SRPK1: variants seen among roughly 807,000 people sequenced by gnomAD.
SRPK1 encodes SRSF protein kinase 1.
A neutral mutation model predicts 89.5 loss-of-function variants in SRPK1; 52 were observed. The observed-to-expected ratio is 0.58, with a 90% CI of 0.46 to 0.73. The LOEUF (loss-of-function observed/expected upper bound fraction) is 0.73. SRPK1 is among the 30% of genes least tolerant of loss of function. The pLI, the probability that SRPK1 is intolerant of heterozygous loss-of-function variation, is 0.00. For synonymous variants in SRPK1, 255 were observed against 270.2 expected (o/e 0.94, Z 0.55); for missense variants, 603 against 780.6 (o/e 0.77, Z 2.71).
chr6:35,843,945 A>G (rs923931030), intron 13 of SRPK1, among the ~76,000 whole-genome samples: 2 of 138,850 alleles, frequency 1.4e-5, no homozygotes, highest in African/African-American at 5.3e-5. Context: ...AATGAAAAGC[A>G]GGGCTACATA....
In SRPK1 at chr6:35,838,412, T is replaced by C. The variant is rs764518587; in HGVS notation, c.1708A>G (p.Ile570Val). The C allele has an allele frequency of 1.1e-5, 17 of 1,582,014 alleles. No individual in the cohort carries two copies. The highest frequency in any genetic ancestry group is 6.9e-5 in the African/African-American group (5 of 72,832). ...TRDEDHIALI[I>V]ELLGKVPRKL... is the part of the protein sequence containing the mutation. ...CGAGGCACCTTCCCCAGAAGTTCTA[T>C]GATCAATGCAATGTGATCTGTATAT... is the stretch of plus-strand genomic sequence containing the variant. The change falls in exon 15 of 16, where the codon ATA (isoleucine) becomes GTA (valine). Residue 570 changes from isoleucine (I) to valine (V), a missense_variant. Physicochemically the swap from Ile to Val is conservative, Grantham distance 29. Transcript: ENST00000373825.
intron 2 of SRPK1, among the ~76,000 whole-genome samples, chr6:35,913,898 A>G (rs1328920698): frequency 4.0e-5 from 6 of 151,700 alleles, no homozygotes; most frequent in African/African-American, 9.7e-5. Context: ...AAAGCACACT[A>G]TAAGTGACAT....
intron 12 of SRPK1, among the ~76,000 whole-genome samples, chr6:35,866,909 C>A (rs1473159015): frequency 3.3e-5 from 5 of 152,122 alleles, no homozygotes; most frequent in Non-Finnish European, 7.3e-5. Context: ...TGAAACAACT[C>A]AAAGAAAGGT....
At chr6:35,888,517 G>C (rs1234505554) in intron 4 of SRPK1, among the ~76,000 whole-genome samples, 1 of 152,120 alleles carries the variant, frequency 6.6e-6, no homozygotes, top group Non-Finnish European at 1.5e-5. Context: ...TAGGCAGCCA[G>C]AAGAAATACT....
chr6:35,844,295 G>A (rs940639164), intron 13 of SRPK1, among the ~76,000 whole-genome samples: 3 of 152,126 alleles, frequency 2.0e-5, no homozygotes, highest in Non-Finnish European at 2.9e-5. Flanking sequence ...GAGCCACCAC[G>A]CCTGGCCAAC....
At chr6:35,886,224 G>A (rs951370953) in intron 6 of SRPK1, among the ~76,000 whole-genome samples, 1 of 151,914 alleles carries the variant, frequency 6.6e-6, no homozygotes, top group Non-Finnish European at 1.5e-5. Context: ...GGGATTACAG[G>A]AGCCTGCCAC....
In SRPK1 at chr6:35,870,471, C is replaced by T. The variant is rs1260342648; in HGVS notation, c.801G>A (p.Lys267=). The change falls in exon 10 of 16, where the codon AAG becomes AAA. Residue 267 remains lysine, a synonymous_variant. Transcript: ENST00000373825. ...PKPADKMSKN[K]KKKLKKKQKR... is the part of the protein sequence containing the mutation. Reference sequence around the variant, plus strand: ...TCTGCTTCTTCTTCAATTTCTTCTTCTTATTCTTTGACATTTTGTCAGCCT... The same window carrying T: ...TCTGCTTCTTCTTCAATTTCTTCTTTTTATTCTTTGACATTTTGTCAGCCT... 2 of 1,551,638 alleles carry T rather than the reference C, an allele frequency of 1.3e-6. No individual in the cohort carries two copies. Among genetic ancestry groups the T allele is most frequent in the Admixed American group, 2.0e-5 (1 of 50,958 alleles).
rs187606811 is a variant in SRPK1 at position 35,898,383 on chromosome 6, G to C, written c.75-7370C>G. 4.5e-4 allele frequency among the ~76,000 whole-genome samples: 68 copies of C among 152,260 alleles called. No homozygotes were observed. In the East Asian group the frequency reaches 0.013, roughly 28 times the overall value. On this transcript the variant is annotated intron_variant, in intron 2 of 15. Coordinates refer to ENST00000373825, the MANE Select transcript of SRPK1 (RefSeq NM_003137.5). ...TCTGGTGACTTAAGGTTGGGGAGAA[G>C]ATTGGGGGGTTAGGGATAAAAGACT... is the stretch of plus-strand genomic sequence containing the variant.
At position 35,897,676 on chromosome 6, in the gene SRPK1, C is replaced by T. The variant is rs969408774; in HGVS notation, c.75-6663G>A. The stretch of plus-strand genomic sequence containing the variant: ...TACAGGCGTGCACCACCATGCCTGG[C>T]TAATTTTTAAAATTTTTTAGAGATG... On this transcript the variant is annotated intron_variant, in intron 2 of 15. Coordinates refer to ENST00000373825, the MANE Select transcript of SRPK1 (RefSeq NM_003137.5). Among the ~76,000 whole-genome samples, 6 of 152,210 alleles carry T rather than the reference C, an allele frequency of 3.9e-5. No individual in the cohort carries two copies. The East Asian group carries it at 1.2e-3, about 29-fold the overall frequency.
chr6:35,916,233 TA>T (rs1562000570), intron 2 of SRPK1, among the ~76,000 whole-genome samples: 34 of 148,448 alleles, frequency 2.3e-4, no homozygotes, highest in African/African-American at 8.4e-4. Context: ...CTCAAATAAA[TA>T]AATAAATAAA....
chr6:35,890,065 G>A (rs1405512625), intron 3 of SRPK1, among the ~76,000 whole-genome samples: 3 of 151,780 alleles, frequency 2.0e-5, no homozygotes, highest in Admixed American at 1.3e-4. Flanking sequence ...CCGAGATCGC[G>A]CCAACTGCAC....
At chr6:35,916,842 C>T (rs1190332671) in intron 2 of SRPK1, among the ~76,000 whole-genome samples, 3 of 152,164 alleles carry the variant, frequency 2.0e-5, no homozygotes, top group South Asian at 2.1e-4. Flanking sequence ...GTGGATCACT[C>T]GAGGTCGAGT....
At chr6:35,879,215 C>G (rs1770222626) in intron 6 of SRPK1, among the ~76,000 whole-genome samples, 1 of 152,008 alleles carries the variant, frequency 6.6e-6, no homozygotes, top group Non-Finnish European at 1.5e-5. Flanking sequence ...TCAGGCTGAT[C>G]CTTGGAAGAG....
rs372330259 is a variant in SRPK1, at chr6:35,839,056, G to A, written c.1691-627C>T. Among the ~76,000 whole-genome samples the A allele has an allele frequency of 5.3e-5, 8 of 152,320 alleles. No individual in the cohort carries two copies. In the East Asian group the frequency reaches 5.8e-4, roughly 11 times the overall value. The stretch of plus-strand genomic sequence containing the variant: ...TGTCTATATATCTAGGTTCAGGTAG[G>A]TTCTTTAGGTAAGATAAAAAACTGT... On this transcript the variant is annotated intron_variant, in intron 14 of 15. Transcript: ENST00000373825.
In SRPK1 at chr6:35,880,554, C is replaced by G. The variant is rs9357204; in HGVS notation, c.478+6170G>C. Reference sequence around the variant, plus strand: ...CCTGGCCAACATGGTGAAATCCCATCTCTACTGATATACAAAAATTAGCTG... The same window carrying G: ...CCTGGCCAACATGGTGAAATCCCATGTCTACTGATATACAAAAATTAGCTG... On this transcript the variant is annotated intron_variant, in intron 6 of 15. Coordinates refer to ENST00000373825, the MANE Select transcript of SRPK1 (RefSeq NM_003137.5). Among the ~76,000 whole-genome samples, 3 of 151,050 alleles carry G rather than the reference C, an allele frequency of 2.0e-5. No individual in the cohort carries two copies. In the South Asian group the frequency reaches 6.3e-4, roughly 32 times the overall value.
chr6:35,886,593 G>T (rs1416618390), intron 6 of SRPK1, 131 bp downstream of exon 6: 3 of 673,628 alleles, frequency 4.5e-6, no homozygotes, highest in African/African-American at 1.8e-5. Context: ...GTGTTCAGAA[G>T]TGTACAATAA....
chr6:35,869,952 A>G, intron 10 of SRPK1, 51 bp from the exon 11 acceptor site: 1 of 1,484,136 alleles, frequency 6.7e-7, no homozygotes, highest in Non-Finnish European at 9.0e-7. Context: ...TGTGAGTGAA[A>G]GAACAGAAAC....
intron 2 of SRPK1, among the ~76,000 whole-genome samples, chr6:35,902,244 A>G (rs957907184): frequency 1.3e-5 from 2 of 150,662 alleles, no homozygotes; most frequent in African/African-American, 2.4e-5. Flanking sequence ...AAAAAAAAAA[A>G]AAAAAAAAGA....
chr6:35,836,786 AT>A (rs1251216233), intron 15 of SRPK1, among the ~76,000 whole-genome samples: 3 of 134,198 alleles, frequency 2.2e-5, no homozygotes, highest in South Asian at 2.4e-4. Flanking sequence ...AATAATAATA[AT>A]TTTTTTTAAA....
Sources: gnomAD v4.1 joint callset for allele counts (sites outside exome capture counted in the v4.1 genomes callset) on GRCh38, gnomAD v4.1.1 for gene constraint, MANE v1.5 for transcripts, NCBI Gene and HGNC (gene_info 2026-07-23, HGNC 2026-07-21) for gene names.